ZNF627: variants seen among roughly 807,000 people sequenced by gnomAD.
ZNF627 encodes the protein zinc finger protein 627.
A neutral mutation model predicts 10.6 loss-of-function variants in ZNF627; 12 were observed. That is an observed-to-expected ratio of 1.13 (90% CI 0.73 to 1.84). The LOEUF is 1.84. Among genes scored for constraint, ZNF627 ranks in the 40% most tolerant of loss-of-function variants. The pLI, the probability that ZNF627 is intolerant of heterozygous loss-of-function variation, is 0.00. For synonymous variants in ZNF627, 176 were observed against 187.1 expected, an observed-to-expected ratio of 0.94 and a Z score of 0.48; for missense variants, 504 against 568.4, an observed-to-expected ratio of 0.89 and a Z score of 1.15.
At chr19:11,605,602 C>T (rs1438294825) in intron 1 of ZNF627, among the ~76,000 whole-genome samples, 1 of 152,036 alleles carries the variant, frequency 6.6e-6, no homozygotes, top group Non-Finnish European at 1.5e-5. Flanking sequence ...CTCATGAGAA[C>T]TCACTATTAT....
Position 11,617,057 on chromosome 19 carries a change from A to T in ZNF627, c.554A>T (p.His185Leu). 6.2e-7 allele frequency: 1 copy of T among 1,614,122 alleles called. No homozygotes were observed. The highest frequency in any genetic ancestry group is 2.2e-5 in the East Asian group (1 of 44,892). Residue 185 changes from histidine (H) to leucine (L), a missense_variant, in exon 4 of 4, where the codon CAC becomes CTC. His to Leu is a moderately conservative substitution (Grantham distance 99). Transcript: ENST00000361113. ...TFISLVSIRRHMLTHRGGVPY... is the reference protein window; with the variant it reads ...TFISLVSIRRLMLTHRGGVPY... ...ATTTCTCTTGTAAGCATTCGAAGACACATGTTAACGCATAGGGGAGGTGTA... is the reference window on the plus strand; with the variant it reads ...ATTTCTCTTGTAAGCATTCGAAGACTCATGTTAACGCATAGGGGAGGTGTA...
rs1252459478 is a variant in ZNF627 at position 11,614,824 on chromosome 19, T to G, written c.131-3T>G. On this transcript the variant is annotated splice_polypyrimidine_tract_variant and splice_region_variant and intron_variant, in intron 2 of 3. Transcript: ENST00000361113. Reference sequence around the variant, plus strand: ...TAATGACTTTTCTGGGTCTAAATTTTAGGAAAACAATGGGAAGACCAGAAC... The same window carrying G: ...TAATGACTTTTCTGGGTCTAAATTTGAGGAAAACAATGGGAAGACCAGAAC... 2 of 1,602,946 alleles carry G rather than the reference T, an allele frequency of 1.2e-6. No individual in the cohort carries two copies. The highest frequency in any genetic ancestry group is 3.5e-5 in the Admixed American group (2 of 57,532).
chr19:11,599,742 C>G (rs543672636), intron 1 of ZNF627, among the ~76,000 whole-genome samples: 3 of 152,210 alleles, frequency 2.0e-5, no homozygotes, highest in Admixed American at 1.3e-4. Context: ...CCTGTCTCTA[C>G]TAAAAAATAC....
intron 1 of ZNF627, among the ~76,000 whole-genome samples, chr19:11,607,306 C>G (rs546300512): frequency 1.9e-3 from 285 of 151,710 alleles, no homozygotes; most frequent in Non-Finnish European, 3.0e-3. Context: ...CCAGCTAATT[C>G]TATATATTTA....
rs181599969 is a variant in ZNF627, at chr19:11,616,863, C to T, written c.360C>T (p.Ile120=). 2.4e-4 allele frequency: 392 copies of T among 1,613,994 alleles called. 1 individual carries two copies. The African/African-American group carries it at 4.9e-3, about 20-fold the overall frequency. The change falls in exon 4 of 4, where the codon ATC becomes ATT. Residue 120 remains isoleucine (I), a synonymous_variant. Transcript: ENST00000361113. ...GTCCTTCATCACTTAATAGGCACAT[C>T]AGAGATCACACTGGACGTGAACCAA... ...GMGPSSLNRH[I]RDHTGREPNE...
rs184168692 is a variant in ZNF627 at position 11,601,781 on chromosome 19, G to A, written c.3+4151G>A. Among the ~76,000 whole-genome samples, 380 of 152,098 alleles carry A rather than the reference G, an allele frequency of 2.5e-3. 13 individuals carry two copies. The highest frequency in any genetic ancestry group is 0.024 in the Admixed American group (364 of 15,246). On this transcript the variant is annotated intron_variant, in intron 1 of 3. Coordinates refer to ENST00000361113, the MANE Select transcript of ZNF627 (RefSeq NM_145295.4). ...CATGCACTTTGGGAGGCCGAGGTGG[G>A]TGGATCACAATGTTAGGAGTTTGAG... is the stretch of plus-strand genomic sequence containing the variant.
At chr19:11,604,809 T>C (rs1210740622) in intron 1 of ZNF627, among the ~76,000 whole-genome samples, 1 of 152,206 alleles carries the variant, frequency 6.6e-6, no homozygotes, top group African/African-American at 2.4e-5. Context: ...CAGCCTTGAA[T>C]GCAGCAGGAA....
chr19:11,601,326 A>ATTTTG (rs1430717882), intron 1 of ZNF627, among the ~76,000 whole-genome samples: 1 of 151,798 alleles, frequency 6.6e-6, no homozygotes, highest in Non-Finnish European at 1.5e-5. Context: ...GGAGTGATTT[A>ATTTTG]TTTTATTTTT....
rs1302528862 is a variant in ZNF627, at chr19:11,617,729, A to G, written c.1226A>G (p.His409Arg). ...AGTCGTTCCAGTTACTTCCGAATCC[A>G]TGAAAGAACTCACACTGGAGAGAAA... ...AFSRSSYFRI[H>R]ERTHTGEKPY... is the part of the protein sequence containing the mutation. Residue 409 changes from histidine to arginine, a missense_variant, in exon 4 of 4, where the codon CAT becomes CGT. Coordinates refer to ENST00000361113, the MANE Select transcript of ZNF627 (RefSeq NM_145295.4). 1.9e-6 allele frequency: 3 copies of G among 1,613,310 alleles called. No homozygotes were observed. The highest frequency in any genetic ancestry group is 1.6e-4 in the Middle Eastern group (1 of 6,078).
chr19:11,607,363 T>C (rs922072664), intron 1 of ZNF627, among the ~76,000 whole-genome samples: 2 of 152,078 alleles, frequency 1.3e-5, no homozygotes, highest in African/African-American at 4.8e-5. Context: ...CTCAAACTCC[T>C]GACCTCAGGT....
chr19:11,607,280 G>A (rs571659346), intron 1 of ZNF627, among the ~76,000 whole-genome samples: 1 of 151,978 alleles, frequency 6.6e-6, no homozygotes, highest in South Asian at 2.1e-4. Context: ...GGGATTACAG[G>A]CATGTGCCAC....
In ZNF627 at chr19:11,617,363, C is replaced by T. The variant is rs778666140; in HGVS notation, c.860C>T (p.Ala287Val). 6.2e-7 allele frequency: 1 copy of T among 1,613,916 alleles called. No individual in the cohort carries two copies. Reference sequence around the variant, plus strand: ...TACGAATGTAAACAGTGCGGTAAAGCCTTTAGGTGCGCCAGTTCTGTTCGA... The same window carrying T: ...TACGAATGTAAACAGTGCGGTAAAGTCTTTAGGTGCGCCAGTTCTGTTCGA... ...KPYECKQCGK[A>V]FRCASSVRSH... The change falls in exon 4 of 4, where the codon GCC becomes GTC. Residue 287 changes from alanine (A) to valine (V), a missense_variant. Transcript: ENST00000361113.
chr19:11,613,365 C>T (rs567441879), intron 1 of ZNF627, among the ~76,000 whole-genome samples: 1 of 149,270 alleles, frequency 6.7e-6, no homozygotes, highest in South Asian at 2.2e-4. Flanking sequence ...GATGACTACT[C>T]TTACCCTCTT....
At chr19:11,605,548 T>TAAAGGTGGGGG (rs998186385) in intron 1 of ZNF627, among the ~76,000 whole-genome samples, 1 of 151,890 alleles carries the variant, frequency 6.6e-6, no homozygotes. Flanking sequence ...AAGTGCAGAC[T>TAAAGGTGGGGG]AAAGGTGGGG....
intron 1 of ZNF627, among the ~76,000 whole-genome samples, chr19:11,600,577 AGAG>A (rs1196449539): frequency 1.3e-5 from 2 of 152,138 alleles, no homozygotes; most frequent in East Asian, 1.9e-4. Context: ...ACTAAGGAAA[AGAG>A]AGAGAGAAAA....
intron 1 of ZNF627, among the ~76,000 whole-genome samples, chr19:11,613,915 GATT>G (rs1194836765): frequency 8.2e-6 from 1 of 121,288 alleles, no homozygotes; most frequent in Non-Finnish European, 1.6e-5. Flanking sequence ...CTAGTTACTA[GATT>G]TTTTTTTTTT....
chr19:11,607,137 T>C (rs1260286487), intron 1 of ZNF627, among the ~76,000 whole-genome samples: 1 of 152,164 alleles, frequency 6.6e-6, no homozygotes, highest in East Asian at 1.9e-4. Flanking sequence ...GGTTTTTCTT[T>C]TCTTTTCTTT....
At chr19:11,603,101 C>G (rs2145124311) in intron 1 of ZNF627, among the ~76,000 whole-genome samples, 1 of 152,174 alleles carries the variant, frequency 6.6e-6, no homozygotes, top group African/African-American at 2.4e-5. Context: ...TAATATTATG[C>G]CAAAAAGAGT....
At chr19:11,615,756 T>C (rs1973856477) in intron 3 of ZNF627, among the ~76,000 whole-genome samples, 1 of 147,690 alleles carries the variant, frequency 6.8e-6, no homozygotes, top group Non-Finnish European at 1.5e-5. Flanking sequence ...CACAACTCGT[T>C]GCCCAGGCTG....
Sources: allele counts gnomAD v4.1 joint callset (sites outside exome capture counted in the v4.1 genomes callset), GRCh38; gene constraint gnomAD v4.1.1; transcripts MANE v1.5; gene names NCBI Gene and HGNC (gene_info 2026-07-23, HGNC 2026-07-21).